The following TBC1D32 variants were observed in gnomAD, a reference collection of about 807,000 sequenced individuals.
The protein encoded by TBC1D32 is protein broad-minded.
Under a neutral mutation model 170.3 loss-of-function variants are expected in TBC1D32, and 151 were observed. The ratio of observed to expected loss-of-function variants is 0.89; its 90% CI spans 0.78 to 1.01. The LOEUF (loss-of-function observed/expected upper bound fraction) is 1.01, where lower values mean the gene tolerates loss of function less well. Among genes scored for constraint, TBC1D32 ranks in the 50% least tolerant of loss-of-function variants. The pLI, the probability that TBC1D32 is intolerant of heterozygous loss-of-function variation, is 0.00. For synonymous variants in TBC1D32, 498 were observed against 488.0 expected, an observed-to-expected ratio of 1.02 and a Z score of -0.27; for missense variants, 1,464 against 1,457.1, an observed-to-expected ratio of 1.00 and a Z score of -0.08.
chr6:121,201,901 A>C (rs1355710319), intron 22 of TBC1D32, among the ~76,000 whole-genome samples: 1 of 151,164 alleles, frequency 6.6e-6, no homozygotes, highest in Non-Finnish European at 1.5e-5. Flanking sequence ...AAACAGAAAA[A>C]AGTTATGATG....
chr6:121,156,943 G>GCATATGGTC (rs1445027671), intron 24 of TBC1D32, among the ~76,000 whole-genome samples: 8 of 152,104 alleles, frequency 5.3e-5, no homozygotes, highest in Non-Finnish European at 1.2e-4. Flanking sequence ...GTCAATCACA[G>GCATATGGTC]AATATGTTGC....
At chr6:121,208,729 G>GAAAAAA (rs57771111) in intron 21 of TBC1D32, among the ~76,000 whole-genome samples, 5,173 of 86,840 alleles carry the variant, frequency 0.06, 657 homozygotes, top group Admixed American at 0.2. Flanking sequence ...GAAACACCTG[G>GAAAAAA]AAAAAAAAAA....
chr6:121,228,534 T>C (rs1795333184), intron 20 of TBC1D32, among the ~76,000 whole-genome samples: 1 of 152,176 alleles, frequency 6.6e-6, no homozygotes. Context: ...TTTGTAAGTA[T>C]GTGGCTTAAT....
At chr6:121,287,183 C>G (rs963233779) in intron 12 of TBC1D32, among the ~76,000 whole-genome samples, 2 of 152,090 alleles carry the variant, frequency 1.3e-5, no homozygotes, top group African/African-American at 4.8e-5. Flanking sequence ...GGGCTAAATG[C>G]TCCAATTAAA....
intron 25 of TBC1D32, among the ~76,000 whole-genome samples, chr6:121,130,653 CCT>C (rs1312815737): frequency 2.6e-5 from 4 of 151,968 alleles, no homozygotes; most frequent in Non-Finnish European, 1.5e-5. Flanking sequence ...TCTTACTATC[CCT>C]GTTAGAGATA....
intron 3 of TBC1D32, among the ~76,000 whole-genome samples, chr6:121,311,408 A>G (rs1808176596): frequency 6.6e-6 from 1 of 152,156 alleles, no homozygotes; most frequent in African/African-American, 2.4e-5. Flanking sequence ...AACATGTATA[A>G]TATCTAAAAC....
At chr6:121,252,808 T>C (rs1443826443) in intron 17 of TBC1D32, among the ~76,000 whole-genome samples, 1 of 151,988 alleles carries the variant, frequency 6.6e-6, no homozygotes, top group Non-Finnish European at 1.5e-5. Context: ...AGCCAAATAC[T>C]TACAGCCAAC....
intron 22 of TBC1D32, among the ~76,000 whole-genome samples, chr6:121,198,251 TATATATATA>T (rs1791072684): frequency 7.0e-6 from 1 of 142,470 alleles, no homozygotes. Flanking sequence ...ATATATTATA[TATATATATA>T]ATATATATAT....
chr6:121,284,055 A>T (rs190516291), intron 12 of TBC1D32, 145 bp from the exon 13 acceptor site: 231 of 631,760 alleles, frequency 3.7e-4, no homozygotes, highest in African/African-American at 3.3e-3. Context: ...ATAATCTCAG[A>T]TAGAAGACTC....
At chr6:121,190,925 T>C (rs915115763) in intron 22 of TBC1D32, among the ~76,000 whole-genome samples, 2 of 151,158 alleles carry the variant, frequency 1.3e-5, no homozygotes, top group Admixed American at 1.3e-4. Flanking sequence ...CTAGTACTAA[T>C]TTAATATATA....
At chr6:121,323,502 T>C (rs1254599769) in intron 1 of TBC1D32, among the ~76,000 whole-genome samples, 1 of 152,228 alleles carries the variant, frequency 6.6e-6, no homozygotes, top group Non-Finnish European at 1.5e-5. Context: ...TGGCTGCCTA[T>C]TATCTTTCAT....
chr6:121,312,431 C>A (rs565505105), intron 3 of TBC1D32, among the ~76,000 whole-genome samples: 1 of 152,058 alleles, frequency 6.6e-6, no homozygotes, highest in Non-Finnish European at 1.5e-5. Context: ...TGCTGCAGCC[C>A]AGGCTGGACA....
intron 26 of TBC1D32, among the ~76,000 whole-genome samples, chr6:121,117,906 T>C (rs1027066670): frequency 6.6e-6 from 1 of 152,078 alleles, no homozygotes; most frequent in African/African-American, 2.4e-5. Context: ...TACATTAACT[T>C]ATAAAGCAGG....
intron 24 of TBC1D32, among the ~76,000 whole-genome samples, chr6:121,143,067 G>C (rs1782997277): frequency 6.6e-6 from 1 of 152,024 alleles, no homozygotes; most frequent in Non-Finnish European, 1.5e-5. Flanking sequence ...TATAGTACTA[G>C]CTATAACATT....
chr6:121,111,898 T>C (rs1779241879), intron 29 of TBC1D32, among the ~76,000 whole-genome samples: 1 of 152,124 alleles, frequency 6.6e-6, no homozygotes, highest in Admixed American at 6.6e-5. Flanking sequence ...GCTGATATTT[T>C]TGGCAGTTTC....
At chr6:121,224,564 C>T (rs967303133) in intron 20 of TBC1D32, 1 of 152,082 alleles carries the variant, frequency 6.6e-6, no homozygotes, top group African/African-American at 2.4e-5. Flanking sequence ...AAGACACATA[C>T]TCAGAAAGTT....
chr6:121,320,273 T>C (rs931401617), intron 2 of TBC1D32, among the ~76,000 whole-genome samples: 6 of 150,058 alleles, frequency 4.0e-5, no homozygotes, highest in Non-Finnish European at 7.4e-5. Context: ...CTTTTATCCA[T>C]GGTTCATAAA....
At position 121,123,005 on chromosome 6, in the gene TBC1D32, T is replaced by C. The variant is rs113849463; in HGVS notation, c.2983+3373A>G. 8.8e-3 allele frequency among the ~76,000 whole-genome samples: 1,338 copies of C among 152,174 alleles called. 10 individuals are homozygous for C. Among genetic ancestry groups the C allele is most frequent in the South Asian group, 0.041 (198 of 4,828 alleles). ...GAGGAATGAGTGGGTTAGATTTACA[T>C]GTCAAAGATCACTCTGAGAGCAGTG... On this transcript the variant is annotated intron_variant, in intron 26 of 31. Coordinates refer to ENST00000398212, the MANE Select transcript of TBC1D32 (RefSeq NM_152730.6).
chr6:121,173,321 C>T (rs963658068), intron 22 of TBC1D32, among the ~76,000 whole-genome samples: 10 of 152,194 alleles, frequency 6.6e-5, no homozygotes, highest in Admixed American at 4.6e-4. Flanking sequence ...AGGAAGGCTT[C>T]CTTGAAGATG....
Sources: allele counts gnomAD v4.1 joint callset (sites outside exome capture counted in the v4.1 genomes callset), GRCh38; gene constraint gnomAD v4.1.1; transcripts MANE v1.5; gene names NCBI Gene and HGNC (gene_info 2026-07-23, HGNC 2026-07-21).